Variants in SSBP3 observed in about 807,000 individuals in gnomAD.
The protein encoded by SSBP3 is single stranded DNA binding protein 3.
A neutral mutation model predicts 69.6 loss-of-function variants in SSBP3; 5 were observed. The ratio of observed to expected loss-of-function variants is 0.07; its 90% CI spans 0.04 to 0.15. The LOEUF is 0.15. Among genes scored for constraint, SSBP3 ranks in the 10% least tolerant of loss-of-function variants. The probability of loss-of-function intolerance (pLI) is 1.00; values close to 1 mark genes in which losing one functional copy is unlikely to be tolerated. For synonymous variants in SSBP3, 196 were observed against 193.4 expected (o/e 1.01, Z -0.11); for missense variants, 312 against 534.0 (o/e 0.58, Z 4.10).
intron 4 of SSBP3, among the ~76,000 whole-genome samples, chr1:54,326,718 T>C (rs1490217348): frequency 6.6e-6 from 1 of 152,196 alleles, no homozygotes. Flanking sequence ...TTGTCTGCAA[T>C]TTCATTAGCT....
At chr1:54,251,567 G>T (rs1459896976) in intron 9 of SSBP3, 49 bp downstream of exon 9, 33 of 1,526,168 alleles carry the variant, frequency 2.2e-5, no homozygotes, top group Non-Finnish European at 2.8e-5. Flanking sequence ...GAGAAGGCGG[G>T]TGCACACAGA....
At chr1:54,290,216 C>T (rs1557500786) in intron 4 of SSBP3, among the ~76,000 whole-genome samples, 2 of 152,182 alleles carry the variant, frequency 1.3e-5, no homozygotes, top group Admixed American at 6.5e-5. Flanking sequence ...GGGGCCAAGT[C>T]CTCAGGCACC....
At chr1:54,359,479 T>C (rs1045190205) in intron 4 of SSBP3, among the ~76,000 whole-genome samples, 3 of 152,094 alleles carry the variant, frequency 2.0e-5, no homozygotes, top group Non-Finnish European at 4.4e-5. Context: ...TTTAAAACAG[T>C]CTTTCCTTTA....
At chr1:54,333,156 A>G (rs1352644625) in intron 4 of SSBP3, among the ~76,000 whole-genome samples, 1 of 152,124 alleles carries the variant, frequency 6.6e-6, no homozygotes, top group African/African-American at 2.4e-5. Flanking sequence ...GTCCTCAACA[A>G]AGCCCTGGGA....
At chr1:54,384,944 C>G (rs2297573) in intron 4 of SSBP3, among the ~76,000 whole-genome samples, 14,540 of 152,192 alleles carry the variant, frequency 0.096, 954 homozygotes, top group East Asian at 0.28. Context: ...CTCCAGTTGT[C>G]GACACACCCT....
At chr1:54,266,639 AC>A (rs1645107616) in intron 5 of SSBP3, among the ~76,000 whole-genome samples, 1 of 152,244 alleles carries the variant, frequency 6.6e-6, no homozygotes, top group Non-Finnish European at 1.5e-5. Context: ...TTTTAACCTC[AC>A]ATTTCTCTTG....
At chr1:54,240,087 T>TGTGTGTGTGTGTGTGTGTGC (rs1159547661) in intron 13 of SSBP3, among the ~76,000 whole-genome samples, 3 of 42,344 alleles carry the variant, frequency 7.1e-5, no homozygotes, top group Admixed American at 2.5e-4. Context: ...TGTGTGTGTG[T>TGTGTGTGTGTGTGTGTGTGC]GCGCGCGCGC....
chr1:54,407,168 T>C (rs1321289299), upstream of SSBP3, among the ~76,000 whole-genome samples: 1 of 149,828 alleles, frequency 6.7e-6, no homozygotes. Context: ...GGAGGGGGGC[T>C]GGGGACAGGG....
chr1:54,334,129 G>A (rs1032041221), intron 4 of SSBP3, among the ~76,000 whole-genome samples: 4 of 151,990 alleles, frequency 2.6e-5, no homozygotes, highest in Non-Finnish European at 5.9e-5. Flanking sequence ...CGAGGCGGGC[G>A]GATCACGAGG....
At chr1:54,323,100 G>A (rs1429601145) in intron 4 of SSBP3, among the ~76,000 whole-genome samples, 1 of 152,162 alleles carries the variant, frequency 6.6e-6, no homozygotes, top group Non-Finnish European at 1.5e-5. Flanking sequence ...CTGGGGTGAG[G>A]AGAGGTACAG....
chr1:54,312,127 G>T (rs549251631), intron 4 of SSBP3, among the ~76,000 whole-genome samples: 1 of 152,316 alleles, frequency 6.6e-6, no homozygotes, highest in South Asian at 2.1e-4. Context: ...AGCTTGGGAT[G>T]TGTGTTAAAG....
chr1:54,352,002 A>AC (rs1238399853), intron 4 of SSBP3, among the ~76,000 whole-genome samples: 1 of 151,604 alleles, frequency 6.6e-6, no homozygotes, highest in Admixed American at 6.6e-5. Context: ...ACACATGAAG[A>AC]CCCCCGATCT....
chr1:54,398,260 T>A (rs551577536), intron 4 of SSBP3, among the ~76,000 whole-genome samples: 1 of 152,254 alleles, frequency 6.6e-6, no homozygotes, highest in East Asian at 1.9e-4. Flanking sequence ...CCAGCCACAA[T>A]CACACACATG....
At chr1:54,280,728 G>GCGCAGAGAGGGAGGCGT (rs1645376780) in intron 5 of SSBP3, among the ~76,000 whole-genome samples, 1 of 152,210 alleles carries the variant, frequency 6.6e-6, no homozygotes, top group Non-Finnish European at 1.5e-5. Context: ...AGAGGAGGCG[G>GCGCAGAGAGGGAGGCGT]CGCAGAGAGG....
At chr1:54,303,449 G>A (rs966263663) in intron 4 of SSBP3, among the ~76,000 whole-genome samples, 3 of 152,120 alleles carry the variant, frequency 2.0e-5, no homozygotes, top group African/African-American at 7.2e-5. Flanking sequence ...ACAATCACCC[G>A]CATTTCCCCT....
In SSBP3 at chr1:54,235,281, T is replaced by G. The variant is rs1419622376; in HGVS notation, c.927+3848A>C. ...CCTGTCTAAGATGTCCAGTTTTTTT[T>G]TTTTTTTTTTTTTTTTTTGAGACAG... On this transcript the variant is annotated intron_variant, in intron 14 of 17. Coordinates refer to ENST00000610401, the Ensembl canonical transcript of SSBP3. 1.0e-4 allele frequency among the ~76,000 whole-genome samples: 7 copies of G among 69,954 alleles called. No homozygotes were observed. In the South Asian group the frequency reaches 1.4e-3, roughly 14 times the overall value. 45.9% of individuals were successfully genotyped at this position (69,954 alleles called of 152,430 possible).
chr1:54,405,182 G>A (rs1000234252), intron 1 of SSBP3, among the ~76,000 whole-genome samples: 1 of 152,184 alleles, frequency 6.6e-6, no homozygotes, highest in African/African-American at 2.4e-5. Context: ...TCCAAGTGGC[G>A]TCGCGGGCAA....
chr1:54,404,472 G>T, intron 3 of SSBP3, 104 bp downstream of exon 3: 1 of 1,391,382 alleles, frequency 7.2e-7, no homozygotes, highest in Non-Finnish European at 1.0e-6. Flanking sequence ...CAACGCAGAG[G>T]GCCACAGGGC....
chr1:54,404,719 G>A (rs977609687), intron 2 of SSBP3, 82 bp from the exon 3 acceptor site: 11 of 1,506,428 alleles, frequency 7.3e-6, no homozygotes, highest in Admixed American at 3.4e-5. Flanking sequence ...AGGCTAGGAA[G>A]ACCAACTAAC....
Sources: allele counts gnomAD v4.1 joint callset (sites outside exome capture counted in the v4.1 genomes callset), GRCh38; gene constraint gnomAD v4.1.1; transcripts MANE v1.5; gene names NCBI Gene and HGNC (gene_info 2026-07-23, HGNC 2026-07-21).